The following SULT1B1 variants were observed in gnomAD, a reference collection of about 807,000 sequenced individuals.
SULT1B1 encodes sulfotransferase 1B1.
SULT1B1 carries 28 observed loss-of-function variants against 34.6 expected under a neutral mutation model. That is an observed-to-expected ratio of 0.81 (90% CI 0.60 to 1.11). The LOEUF (loss-of-function observed/expected upper bound fraction) is 1.11. Ranked by LOEUF, SULT1B1 falls within the 50% of genes least tolerant of loss-of-function variation. The pLI, the probability that SULT1B1 is intolerant of heterozygous loss-of-function variation, is 0.00. For missense variants in SULT1B1, 374 were observed against 352.2 expected, an observed-to-expected ratio of 1.06 and a Z score of -0.50; for synonymous variants, 147 against 110.2, an observed-to-expected ratio of 1.33 and a Z score of -2.09.
chr4:69,724,002 A>G lies in SULT1B1; in HGVS notation c.*3086T>C, dbSNP rs1717730019. 1.3e-5 allele frequency: 2 copies of G among 152,224 alleles called. No individual in the cohort carries two copies. The highest frequency in any genetic ancestry group is 1.3e-4 in the Admixed American group (2 of 15,286). The allele number at this position is 152,224 out of a possible 1,614,324, so 9.4% of individuals were successfully genotyped here. A position where few individuals can be genotyped will look rare whatever the true frequency, so the allele number is the denominator to read the frequency against. On this transcript the variant is annotated 3_prime_UTR_variant, in exon 8 of 8. Transcript: ENST00000310613. The stretch of plus-strand genomic sequence containing the variant: ...CCGTCTCTCACCACTCCTATTCAAC[A>G]TAGTGTTGGAAGTTCTGGCCAGGGC...
chr4:69,731,972 G>A (rs1204611251), intron 6 of SULT1B1, among the ~76,000 whole-genome samples: 4 of 152,290 alleles, frequency 2.6e-5, no homozygotes, highest in Admixed American at 2.6e-4. Flanking sequence ...AGCTAAAATT[G>A]TTCTTTTCAT....
In SULT1B1 at chr4:69,725,172, C is replaced by T. The variant is rs1288658697; in HGVS notation, c.*1916G>A. 6.8e-6 allele frequency: 1 copy of T among 146,428 alleles called. No homozygotes were observed. Among genetic ancestry groups the T allele is most frequent in the African/African-American group, 2.5e-5 (1 of 39,552 alleles). 9.1% of individuals were successfully genotyped at this position (146,428 alleles called of 1,614,324 possible). A position where few individuals can be genotyped will look rare whatever the true frequency, so the allele number is the denominator to read the frequency against. On this transcript the variant is annotated 3_prime_UTR_variant, in exon 8 of 8. Coordinates refer to ENST00000310613, the MANE Select transcript of SULT1B1 (RefSeq NM_014465.4). ...TCTACAAAGAACTCAAACAAATTTA[C>T]AAGAAAAAAAAAACAACCCCATCAA...
chr4:69,729,622 CTTAATAAG>C (rs1560519426), intron 7 of SULT1B1, among the ~76,000 whole-genome samples: 1 of 151,960 alleles, frequency 6.6e-6, no homozygotes, highest in Non-Finnish European at 1.5e-5. Flanking sequence ...TATTTGCTAC[CTTAATAAG>C]TTAACAAACA....
rs1199876981 is a variant in SULT1B1 at position 69,726,336 on chromosome 4, A to C, written c.*752T>G. The C allele has an allele frequency of 6.6e-6, 1 of 151,612 alleles. No homozygotes were observed. The highest frequency in any genetic ancestry group is 2.4e-5 in the African/African-American group (1 of 41,326). 9.4% of individuals were successfully genotyped at this position (151,612 alleles called of 1,614,324 possible). A position where few individuals can be genotyped will look rare whatever the true frequency, so the allele number is the denominator to read the frequency against. ...TCCCAAATGGTGACCAGAACACAGC[A>C]GTAGGTGATTTCTCTGAAGTTCAAA... On this transcript the variant is annotated 3_prime_UTR_variant, in exon 8 of 8. Coordinates refer to ENST00000310613, the MANE Select transcript of SULT1B1 (RefSeq NM_014465.4).
chr4:69,734,317 T>G, intron 4 of SULT1B1, 53 bp from the exon 5 acceptor site: 1 of 1,572,748 alleles, frequency 6.4e-7, no homozygotes, highest in Admixed American at 1.9e-5. Flanking sequence ...GACATTTTGT[T>G]TAGGAAAAAA....
At chr4:69,756,980 GAC>G (rs371631388) in intron 1 of SULT1B1, among the ~76,000 whole-genome samples, 263 of 116,346 alleles carry the variant, frequency 2.3e-3, no homozygotes, top group Middle Eastern at 9.0e-3. Flanking sequence ...CACACACACA[GAC>G]ACACACACAC....
At chr4:69,754,433 T>C (rs1376296689) in intron 3 of SULT1B1, among the ~76,000 whole-genome samples, 2 of 152,222 alleles carry the variant, frequency 1.3e-5, no homozygotes, top group Non-Finnish European at 2.9e-5. Flanking sequence ...TTGTTTATTT[T>C]ATCAATCAAA....
In SULT1B1 at chr4:69,749,817, A is replaced by G; in HGVS notation, c.279T>C (p.Gly93=). Residue 93 remains glycine (G), a splice_region_variant and synonymous_variant, in exon 4 of 8, where the codon GGT becomes GGC. Coordinates refer to ENST00000310613, the MANE Select transcript of SULT1B1 (RefSeq NM_014465.4). ...EMTLPGLRTS[G]IEQLEKNPSP... is the part of the protein sequence containing the mutation. ...ATGGATTCTTCTCCAATTGTTCTAT[A>G]CCTGAGAAATTTAGTTAAGTATAGG... 1 of 1,611,200 alleles carries G rather than the reference A, an allele frequency of 6.2e-7. No homozygotes were observed. The highest frequency in any genetic ancestry group is 8.5e-7 in the Non-Finnish European group (1 of 1,177,516).
At position 69,755,176 on chromosome 4, in the gene SULT1B1, C is replaced by T. The variant is rs773457936; in HGVS notation, c.42G>A (p.Leu14=). The change falls in exon 2 of 8, where the codon TTG becomes TTA. Residue 14 remains leucine, a synonymous_variant. Transcript: ENST00000310613. ...PKDILRKDLK[L]VHGYPMTCAF... ...CACAGGTCATGGGATAACCATGGAC[C>T]AACTTCAGATCTTTTCGCAGAATAT... 8.7e-6 allele frequency: 14 copies of T among 1,613,554 alleles called. No homozygotes were observed. Among genetic ancestry groups the T allele is most frequent in the Middle Eastern group, 1.6e-4 (1 of 6,084 alleles).
At chr4:69,754,245 CA>C (rs2110031685) in intron 3 of SULT1B1, among the ~76,000 whole-genome samples, 1 of 152,164 alleles carries the variant, frequency 6.6e-6, no homozygotes, top group African/African-American at 2.4e-5. Context: ...TACCATAGCA[CA>C]GTGAATAATT....
intron 6 of SULT1B1, 60 bp from the exon 7 acceptor site, chr4:69,730,741 A>T (rs1020544426): frequency 1.4e-5 from 20 of 1,454,554 alleles, no homozygotes; most frequent in Middle Eastern, 2.4e-4. Context: ...GAATATTTAT[A>T]AAACATTTAT....
chr4:69,757,272 T>C (rs530363522), intron 1 of SULT1B1, among the ~76,000 whole-genome samples: 3 of 152,320 alleles, frequency 2.0e-5, no homozygotes, highest in South Asian at 4.1e-4. Context: ...ATTGTATAGA[T>C]AGAATTTGAA....
At chr4:69,754,459 T>C (rs966150725) in intron 3 of SULT1B1, among the ~76,000 whole-genome samples, 2 of 152,194 alleles carry the variant, frequency 1.3e-5, no homozygotes, top group Non-Finnish European at 2.9e-5. Flanking sequence ...AATTGTTTTG[T>C]ACAGTAAGAC....
chr4:69,738,782 C>T (rs1718418534), intron 4 of SULT1B1, among the ~76,000 whole-genome samples: 1 of 152,150 alleles, frequency 6.6e-6, no homozygotes, highest in Non-Finnish European at 1.5e-5. Flanking sequence ...TGAAATAAGG[C>T]AAGTCCCTTC....
rs923607684 is a variant in SULT1B1 at position 69,721,410 on chromosome 4, T to C, written c.*5678A>G. The stretch of plus-strand genomic sequence containing the variant: ...CCTTTCCCAGTTATCTGAAGATTGC[T>C]GCACAAAATAATTGTTTTCCCATAT... On this transcript the variant is annotated 3_prime_UTR_variant, in exon 8 of 8. Transcript: ENST00000310613. The C allele has an allele frequency of 1.3e-5, 2 of 152,166 alleles. No individual in the cohort carries two copies. Among genetic ancestry groups the C allele is most frequent in the African/African-American group, 4.8e-5 (2 of 41,468 alleles). The allele number at this position is 152,166 out of a possible 1,614,324, so 9.4% of individuals were successfully genotyped here. A position where few individuals can be genotyped will look rare whatever the true frequency, so the allele number is the denominator to read the frequency against.
chr4:69,733,827 T>C (rs1216016624), intron 5 of SULT1B1, among the ~76,000 whole-genome samples: 3 of 152,150 alleles, frequency 2.0e-5, no homozygotes, highest in Admixed American at 6.5e-5. Context: ...ATATGACATA[T>C]GCATTAACAG....
intron 4 of SULT1B1, among the ~76,000 whole-genome samples, chr4:69,739,300 A>T (rs1417976395): frequency 6.6e-6 from 1 of 152,188 alleles, no homozygotes; most frequent in African/African-American, 2.4e-5. Flanking sequence ...CCGCCCATGA[A>T]GCACACCTCT....
chr4:69,751,379 C>A (rs534385782), intron 3 of SULT1B1, among the ~76,000 whole-genome samples: 1 of 152,178 alleles, frequency 6.6e-6, no homozygotes, highest in East Asian at 1.9e-4. Context: ...TTTAATGAAC[C>A]CTTTATATCC....
chr4:69,734,310 A>AT, intron 4 of SULT1B1, 46 bp from the exon 5 acceptor site: 1 of 1,579,506 alleles, frequency 6.3e-7, no homozygotes, highest in Non-Finnish European at 8.6e-7. Context: ...GATAAAAGAC[A>AT]TTTTGTTTAG....
Sources: allele counts gnomAD v4.1 joint callset (sites outside exome capture counted in the v4.1 genomes callset), GRCh38; gene constraint gnomAD v4.1.1; transcripts MANE v1.5; gene names NCBI Gene and HGNC (gene_info 2026-07-23, HGNC 2026-07-21).